The following C2CD3 variants were observed in gnomAD, a reference collection of about 807,000 sequenced individuals.
The protein encoded by C2CD3 is C2 domain containing 3 centriole elongation regulator, also known as C2 domain-containing protein 3.
In C2CD3, 148 loss-of-function variants were observed where a neutral mutation model predicts 234.0. The ratio of observed to expected loss-of-function variants is 0.63; its 90% CI spans 0.55 to 0.72. The LOEUF (loss-of-function observed/expected upper bound fraction) is 0.72. C2CD3 is among the 30% of genes least tolerant of loss of function. The pLI is 0.00. For missense variants in C2CD3, 2,577 were observed against 2,811.5 expected, an observed-to-expected ratio of 0.92 and a Z score of 1.89; for synonymous variants, 1,000 against 1,035.4, an observed-to-expected ratio of 0.97 and a Z score of 0.66.
At chr11:74,118,995 C>T (rs1957123677) in intron 8 of C2CD3, among the ~76,000 whole-genome samples, 2 of 150,876 alleles carry the variant, frequency 1.3e-5, no homozygotes, top group Admixed American at 1.3e-4. Context: ...GCAACCCTGA[C>T]CTCCCTGGGG....
At chr11:74,084,127 G>A (rs1301928975) in intron 22 of C2CD3, among the ~76,000 whole-genome samples, 1 of 152,196 alleles carries the variant, frequency 6.6e-6, no homozygotes, top group Non-Finnish European at 1.5e-5. Context: ...AAAGGGATGA[G>A]TTCATGTCCT....
At chr11:74,066,515 G>A (rs1197348520) in intron 24 of C2CD3, among the ~76,000 whole-genome samples, 1 of 151,858 alleles carries the variant, frequency 6.6e-6, no homozygotes, top group Non-Finnish European at 1.5e-5. Context: ...ACTCTGACAA[G>A]CCTCTCTAGG....
chr11:74,084,768 A>C, intron 22 of C2CD3, 113 bp downstream of exon 22: 1 of 685,614 alleles, frequency 1.5e-6, no homozygotes, highest in East Asian at 2.6e-5. Context: ...AGCATGTGTT[A>C]AGGGGTTGTG....
chr11:74,074,403 A>G lies in C2CD3; in HGVS notation c.4801T>C (p.Ser1601Pro). 6.2e-7 allele frequency: 1 copy of G among 1,614,176 alleles called. No individual in the cohort carries two copies. Among genetic ancestry groups the G allele is most frequent in the East Asian group, 2.2e-5 (1 of 44,882 alleles). The stretch of plus-strand genomic sequence containing the variant: ...GAGGCAGGAGACTTCTGGTGGCAGG[A>G]GATGACTTCTGGTGGAGAGAGCTGG... ...EVQLSPPEVI[S>P]CHQKSPASTQ... The change falls in exon 24 of 33, where the codon TCC (serine) becomes CCC (proline). Residue 1601 changes from serine to proline, a missense_variant. Ser to Pro is a moderately conservative substitution (Grantham distance 74). Transcript: ENST00000334126.
chr11:74,161,403 A>C lies in C2CD3; in HGVS notation c.479T>G (p.Leu160Arg). 6.4e-7 allele frequency: 1 copy of C among 1,559,178 alleles called. No individual in the cohort carries two copies. Among genetic ancestry groups the C allele is most frequent in the Non-Finnish European group, 8.7e-7 (1 of 1,153,974 alleles). Residue 160 changes from leucine to arginine, a missense_variant, in exon 3 of 33, where the codon CTC becomes CGC. Transcript: ENST00000334126. ...VSSTSKKLGE[L>R]QVSLALEPLS... ...ATAATTAAAATATATTTTTACCTGG[A>C]GTTCTCCAAGTTTCTTAGACGTTGA...
chr11:74,028,449 A>G, intron 31 of C2CD3, 51 bp from the exon 32 acceptor site: 1 of 1,138,736 alleles, frequency 8.8e-7, no homozygotes, highest in Non-Finnish European at 1.3e-6. Flanking sequence ...CCCCTCTTGC[A>G]GTGGAGGCCA....
intron 23 of C2CD3, 128 bp downstream of exon 23, chr11:74,077,987 G>T (rs1433923053): frequency 1.8e-6 from 2 of 1,126,568 alleles, no homozygotes; most frequent in African/African-American, 1.6e-5. Context: ...TGTAAAATGG[G>T]TATAATACCT....
At chr11:74,048,470 T>C in intron 27 of C2CD3, 132 bp from the exon 28 acceptor site, 1 of 811,240 alleles carries the variant, frequency 1.2e-6, no homozygotes, top group Non-Finnish European at 1.9e-6. Context: ...AACACTGTGC[T>C]AAACAATTTA....
intron 3 of C2CD3, among the ~76,000 whole-genome samples, chr11:74,150,204 G>GC (rs1319802411): frequency 6.6e-6 from 1 of 151,568 alleles, no homozygotes; most frequent in Admixed American, 6.6e-5. Flanking sequence ...GTGGATGGGT[G>GC]CGGTGGCTCA....
intron 30 of C2CD3, among the ~76,000 whole-genome samples, chr11:74,035,920 G>A (rs1278197868): frequency 1.3e-5 from 2 of 152,016 alleles, no homozygotes; most frequent in Non-Finnish European, 2.9e-5. Context: ...GGGTGCAGTG[G>A]AACAATCTCG....
At position 74,084,968 on chromosome 11, in the gene C2CD3, T is replaced by C; in HGVS notation, c.3913A>G (p.Ser1305Gly). 1 of 1,600,772 alleles carries C rather than the reference T, an allele frequency of 6.2e-7. No individual in the cohort carries two copies. The highest frequency in any genetic ancestry group is 1.3e-5 in the African/African-American group (1 of 74,740). Residue 1305 changes from serine to glycine, a missense_variant and splice_region_variant, in exon 22 of 33, where the codon AGT becomes GGT. Physicochemically the swap from Ser to Gly is moderately conservative, Grantham distance 56. Transcript: ENST00000334126. ...AVYHENTKSA[S>G]DIISIESCKE... ...CATGACTCAATACTGATTATATCAC[T>C]TGCTGTTAAATCAAGCAAAAAAGAA... is the stretch of plus-strand genomic sequence containing the variant.
At chr11:74,099,937 G>A (rs138727242) in intron 15 of C2CD3, among the ~76,000 whole-genome samples, 3 of 151,916 alleles carry the variant, frequency 2.0e-5, no homozygotes, top group Non-Finnish European at 4.4e-5. Flanking sequence ...GAAACAGTTT[G>A]TATTGAGGAA....
In C2CD3 at chr11:74,168,505, G is replaced by A; in HGVS notation, c.164C>T (p.Pro55Leu). 6.2e-7 allele frequency: 1 copy of A among 1,614,126 alleles called. No individual in the cohort carries two copies. The highest frequency in any genetic ancestry group is 8.5e-7 in the Non-Finnish European group (1 of 1,179,978). Reference sequence around the variant, plus strand: ...CACTCGGACAAGTACACAAGTGGGAGGCTTTGCAATCTTCCATATGACTCT... The same window carrying A: ...CACTCGGACAAGTACACAAGTGGGAAGCTTTGCAATCTTCCATATGACTCT... ...VNRVIWKIAK[P>L]PTCVLVRVRW... The change falls in exon 2 of 33, where the codon CCT becomes CTT. Residue 55 changes from proline to leucine, a missense_variant. Transcript: ENST00000334126.
intron 3 of C2CD3, among the ~76,000 whole-genome samples, chr11:74,160,235 T>C (rs1040521320): frequency 1.3e-5 from 2 of 152,116 alleles, no homozygotes; most frequent in Non-Finnish European, 2.9e-5. Context: ...TCATTAGTAA[T>C]GCATGACTGT....
intron 32 of C2CD3, among the ~76,000 whole-genome samples, chr11:74,023,091 G>T (rs1025021926): frequency 2.6e-5 from 4 of 152,262 alleles, no homozygotes; most frequent in African/African-American, 7.2e-5. Flanking sequence ...GGAGGAGGGA[G>T]GGGAAATCTG....
At chr11:74,047,771 G>C (rs1244126222) in intron 28 of C2CD3, among the ~76,000 whole-genome samples, 1 of 152,202 alleles carries the variant, frequency 6.6e-6, no homozygotes, top group Non-Finnish European at 1.5e-5. Flanking sequence ...CTTAGACCCT[G>C]TCCTTGTATA....
At chr11:74,080,069 T>C (rs373117726) in intron 22 of C2CD3, among the ~76,000 whole-genome samples, 1 of 152,196 alleles carries the variant, frequency 6.6e-6, no homozygotes, top group East Asian at 1.9e-4. Context: ...TCATATCAGC[T>C]GAGGTCAGAT....
chr11:74,134,302 A>G (rs956438557), intron 5 of C2CD3, among the ~76,000 whole-genome samples: 1 of 152,170 alleles, frequency 6.6e-6, no homozygotes, highest in African/African-American at 2.4e-5. Context: ...TTGCTATACT[A>G]TCTATGACCC....
At chr11:74,169,686 T>G (rs1186930867) in intron 1 of C2CD3, among the ~76,000 whole-genome samples, 1 of 152,210 alleles carries the variant, frequency 6.6e-6, no homozygotes, top group Non-Finnish European at 1.5e-5. Flanking sequence ...CTATGCTATG[T>G]TATATTATTT....
Sources: allele counts gnomAD v4.1 joint callset (sites outside exome capture counted in the v4.1 genomes callset), GRCh38; gene constraint gnomAD v4.1.1; transcripts MANE v1.5; gene names NCBI Gene and HGNC (gene_info 2026-07-23, HGNC 2026-07-21).